Variants in NALF1 observed in about 807,000 individuals in gnomAD.
The protein encoded by NALF1 is NALCN channel auxiliary factor 1, also known as family with sequence similarity 155 member A.
In NALF1, 3 loss-of-function variants were observed where a neutral mutation model predicts 48.4. That is an observed-to-expected ratio of 0.06 (90% CI 0.03 to 0.16). The LOEUF (loss-of-function observed/expected upper bound fraction) is 0.16, where lower values mean the gene tolerates loss of function less well. Among genes scored for constraint, NALF1 ranks in the 10% least tolerant of loss-of-function variants. The probability of loss-of-function intolerance (pLI) is 1.00; values close to 1 mark genes in which losing one functional copy is unlikely to be tolerated. For synonymous variants in NALF1, 262 were observed against 245.7 expected, an observed-to-expected ratio of 1.07 and a Z score of -0.62; for missense variants, 526 against 571.5, an observed-to-expected ratio of 0.92 and a Z score of 0.81.
intron 1 of NALF1, among the ~76,000 whole-genome samples, chr13:107,771,113 T>A (rs186193764): frequency 2.0e-5 from 3 of 152,204 alleles, no homozygotes; most frequent in Admixed American, 1.3e-4. Context: ...CAGATTAAAT[T>A]TGCATTATGT....
At chr13:107,577,766 A>G (rs1878194821) in intron 1 of NALF1, among the ~76,000 whole-genome samples, 1 of 152,122 alleles carries the variant, frequency 6.6e-6, no homozygotes, top group Non-Finnish European at 1.5e-5. Flanking sequence ...ACCCAAGCCC[A>G]TAAGCTTCTT....
At chr13:107,554,434 G>A (rs1248003325) in intron 1 of NALF1, among the ~76,000 whole-genome samples, 1 of 152,192 alleles carries the variant, frequency 6.6e-6, no homozygotes, top group Non-Finnish European at 1.5e-5. Context: ...TTAATGCAGA[G>A]TTAGTCAGTT....
chr13:107,807,472 C>A (rs1388856712), intron 1 of NALF1, among the ~76,000 whole-genome samples: 2 of 152,150 alleles, frequency 1.3e-5, no homozygotes, highest in South Asian at 2.1e-4. Context: ...TTTTCAACAA[C>A]AGGAAAAGTC....
chr13:107,427,354 C>G (rs1037575353), intron 1 of NALF1, among the ~76,000 whole-genome samples: 2 of 151,772 alleles, frequency 1.3e-5, no homozygotes, highest in African/African-American at 4.8e-5. Flanking sequence ...CTTTTTGTCT[C>G]TAGAGTATAA....
intron 1 of NALF1, among the ~76,000 whole-genome samples, chr13:107,717,251 T>C (rs1875849478): frequency 6.6e-6 from 1 of 152,242 alleles, no homozygotes; most frequent in Non-Finnish European, 1.5e-5. Context: ...TGAAGCAGTC[T>C]GTCTAGCATC....
intron 1 of NALF1, among the ~76,000 whole-genome samples, chr13:107,690,676 A>T (rs1881546009): frequency 6.6e-6 from 1 of 152,230 alleles, no homozygotes; most frequent in Admixed American, 6.5e-5. Context: ...ATATGGTCAG[A>T]ACAAACACTT....
At chr13:107,472,491 A>G (rs1044751408) in intron 1 of NALF1, among the ~76,000 whole-genome samples, 4 of 151,980 alleles carry the variant, frequency 2.6e-5, no homozygotes, top group African/African-American at 9.7e-5. Context: ...AGACTGGGAG[A>G]GGCAGACCCA....
intron 1 of NALF1, among the ~76,000 whole-genome samples, chr13:107,477,250 T>G (rs1594084087): frequency 6.6e-6 from 1 of 152,158 alleles, no homozygotes. Flanking sequence ...GATAAAGCTG[T>G]AAGTCAGTAA....
intron 2 of NALF1, among the ~76,000 whole-genome samples, chr13:107,193,565 G>A (rs541513665): frequency 3.3e-4 from 50 of 152,206 alleles, no homozygotes; most frequent in African/African-American, 1.2e-3. Context: ...TGGTTTTGGG[G>A]AGCAGTCCTC....
At chr13:107,584,957 T>C (rs1878411912) in intron 1 of NALF1, among the ~76,000 whole-genome samples, 2 of 152,148 alleles carry the variant, frequency 1.3e-5, no homozygotes, top group Non-Finnish European at 2.9e-5. Context: ...AATTACCTAT[T>C]ACATGCTATA....
At chr13:107,415,677 G>A (rs34138236) in intron 1 of NALF1, among the ~76,000 whole-genome samples, 13 of 152,078 alleles carry the variant, frequency 8.5e-5, no homozygotes, top group Non-Finnish European at 1.9e-4. Context: ...CTCATCAGGG[G>A]GCCTCAGAGT....
intron 1 of NALF1, among the ~76,000 whole-genome samples, chr13:107,596,526 GTGGA>G (rs1878755185): frequency 1.3e-5 from 2 of 152,106 alleles, no homozygotes; most frequent in African/African-American, 2.4e-5. Flanking sequence ...TTGCAGAAAC[GTGGA>G]TGAAGTTGGA....
chr13:107,867,318 CCGCCG>C lies in NALF1; in HGVS notation c.-727_-723del. Among the ~76,000 whole-genome samples the C allele has an allele frequency of 7.6e-6, 1 of 131,756 alleles. No individual in the cohort carries two copies. The highest frequency in any genetic ancestry group is 1.7e-5 in the Non-Finnish European group (1 of 60,550). 86.4% of individuals were successfully genotyped at this position (131,756 alleles called of 152,430 possible). A position where few individuals can be genotyped will look rare whatever the true frequency, so the allele number is the denominator to read the frequency against. On this transcript the variant is annotated 5_prime_UTR_variant, in exon 1 of 3. The change abolishes the stop of an existing upstream ORF in the 5' untranslated region. Transcript: ENST00000375915. The surrounding 1 kb of genome is among the most constrained non-coding windows in gnomAD (Gnocchi z 4.4). ...GCTCTAAGTGCTGCCGCCGCCGCCG[CCGCCG>C]CCGCCGCTGCCGCAGGGCCGCCCGC...
Position 107,242,064 on chromosome 13 carries a change from C to T in NALF1, c.916-31309G>A, listed in dbSNP as rs145361766. 2.5e-3 allele frequency among the ~76,000 whole-genome samples: 376 copies of T among 152,312 alleles called. 2 individuals are homozygous for T. The highest frequency in any genetic ancestry group is 4.1e-3 in the Non-Finnish European group (279 of 68,028). On this transcript the variant is annotated intron_variant, in intron 1 of 2. Coordinates refer to ENST00000375915, the MANE Select transcript of NALF1 (RefSeq NM_001080396.3). ...TTGAAAATAAAAACAAGTTCTTAAG[C>T]CCTTGGAACATTTATTCACTGCCCT...
At chr13:107,856,554 T>G (rs550153451) in intron 1 of NALF1, among the ~76,000 whole-genome samples, 2 of 152,328 alleles carry the variant, frequency 1.3e-5, no homozygotes, top group African/African-American at 4.8e-5. Flanking sequence ...TTATTCTCAC[T>G]GATAACATGG....
At chr13:107,377,662 A>G (rs967063201) in intron 1 of NALF1, among the ~76,000 whole-genome samples, 14 of 152,186 alleles carry the variant, frequency 9.2e-5, no homozygotes, top group Admixed American at 8.5e-4. Context: ...TAAGATGTTC[A>G]CAGAGATAAG....
intron 1 of NALF1, among the ~76,000 whole-genome samples, chr13:107,523,347 C>A (rs1876310050): frequency 6.6e-6 from 1 of 152,092 alleles, no homozygotes; most frequent in African/African-American, 2.4e-5. Flanking sequence ...CCCTTGTGCA[C>A]CACTGCACAA....
intron 1 of NALF1, among the ~76,000 whole-genome samples, chr13:107,726,548 A>G (rs886415614): frequency 6.6e-6 from 1 of 151,860 alleles, no homozygotes; most frequent in African/African-American, 2.4e-5. Flanking sequence ...ACATTTTTAA[A>G]GTTTTGTGAA....
At chr13:107,760,502 A>G (rs984112493) in intron 1 of NALF1, among the ~76,000 whole-genome samples, 4 of 152,170 alleles carry the variant, frequency 2.6e-5, no homozygotes, top group Non-Finnish European at 4.4e-5. Context: ...GATGAATTAT[A>G]TTTTCACAGA....
Sources: allele counts gnomAD v4.1 joint callset (sites outside exome capture counted in the v4.1 genomes callset), GRCh38; gene constraint gnomAD v4.1.1; non-coding constraint Gnocchi (gnomAD v3.1); transcripts MANE v1.5; gene names NCBI Gene and HGNC (gene_info 2026-07-23, HGNC 2026-07-21).